Variants in SIPA1L1 observed in about 807,000 individuals in gnomAD.
The protein encoded by SIPA1L1 is signal induced proliferation associated 1 like 1, also known as signal-induced proliferation-associated 1-like protein 1.
A neutral mutation model predicts 162.7 loss-of-function variants in SIPA1L1; 26 were observed. The observed-to-expected ratio is 0.16, with a 90% confidence interval of 0.12 to 0.22. SIPA1L1 has a LOEUF of 0.22. Among genes scored for constraint, SIPA1L1 ranks in the 10% least tolerant of loss-of-function variants. The probability of loss-of-function intolerance (pLI) is 1.00; values close to 1 mark genes in which losing one functional copy is unlikely to be tolerated. For synonymous variants in SIPA1L1, 829 were observed against 837.4 expected (o/e 0.99, Z 0.17); for missense variants, 1,874 against 2,241.0 (o/e 0.84, Z 3.31).
Position 71,527,858 on chromosome 14 carries a change from G to A in SIPA1L1, c.-361-1454G>A, listed in dbSNP as rs1017767960. On this transcript the variant is annotated intron_variant, in intron 3 of 23. Coordinates refer to ENST00000381232, the MANE Select transcript of SIPA1L1 (RefSeq NM_001386936.1). ...TTTGTTATATAGTTATGTGGTCTGA[G>A]GTTTGGATAAGGACAGAGTTCTTAT... 5.9e-5 allele frequency among the ~76,000 whole-genome samples: 9 copies of A among 152,124 alleles called. 1 individual carries two copies. Among genetic ancestry groups the A allele is most frequent in the Admixed American group, 5.2e-4 (8 of 15,274 alleles).
intron 5 of SIPA1L1, among the ~76,000 whole-genome samples, chr14:71,604,396 A>G (rs894169107): frequency 5.3e-5 from 8 of 151,750 alleles, no homozygotes; most frequent in African/African-American, 9.7e-5. Context: ...TTCTGCCTCA[A>G]CCTCCCAGAG....
chr14:71,674,586 A>T (rs1031930843), intron 12 of SIPA1L1, among the ~76,000 whole-genome samples: 2 of 135,578 alleles, frequency 1.5e-5, no homozygotes, highest in African/African-American at 2.9e-5. Context: ...TTTTTTTTAG[A>T]CGGAGTCTCG....
At chr14:71,384,862 C>G (rs1463086969) in intron 2 of SIPA1L1, among the ~76,000 whole-genome samples, 1 of 152,144 alleles carries the variant, frequency 6.6e-6, no homozygotes, top group Admixed American at 6.5e-5. Flanking sequence ...TAGGGACTTT[C>G]AGCATTGCTG....
At chr14:71,328,877 CA>C (rs2034157496) in intron 2 of SIPA1L1, among the ~76,000 whole-genome samples, 1 of 152,160 alleles carries the variant, frequency 6.6e-6, no homozygotes, top group African/African-American at 2.4e-5. Context: ...AACAGATTTC[CA>C]GGACTTTTTC....
chr14:71,353,670 C>T (rs2036939826), intron 2 of SIPA1L1, among the ~76,000 whole-genome samples: 1 of 151,988 alleles, frequency 6.6e-6, no homozygotes, highest in African/African-American at 2.4e-5. Flanking sequence ...GGTGACTAGA[C>T]CTGGTGGTGG....
chr14:71,414,534 T>A (rs756032093), intron 2 of SIPA1L1, among the ~76,000 whole-genome samples: 2 of 152,264 alleles, frequency 1.3e-5, no homozygotes, highest in Non-Finnish European at 2.9e-5. Context: ...GTTTTAGTCA[T>A]TGATTTCTGA....
At chr14:71,407,876 T>C (rs2042136975) in intron 2 of SIPA1L1, among the ~76,000 whole-genome samples, 2 of 152,248 alleles carry the variant, frequency 1.3e-5, no homozygotes, top group Non-Finnish European at 2.9e-5. Flanking sequence ...TGTTTTGTTT[T>C]GTTTTTTTGT....
At chr14:71,331,567 C>G (rs1377013685) in intron 2 of SIPA1L1, among the ~76,000 whole-genome samples, 1 of 152,148 alleles carries the variant, frequency 6.6e-6, no homozygotes, top group Non-Finnish European at 1.5e-5. Flanking sequence ...GGGAAAGCTT[C>G]AAAAAGGCAA....
At chr14:71,342,624 T>TA (rs1352474338) in intron 2 of SIPA1L1, among the ~76,000 whole-genome samples, 4 of 152,230 alleles carry the variant, frequency 2.6e-5, no homozygotes, top group Non-Finnish European at 5.9e-5. Flanking sequence ...TTCTTGTAGT[T>TA]AACTTAGATT....
chr14:71,669,519 G>GA (rs1287994494), intron 10 of SIPA1L1, among the ~76,000 whole-genome samples: 1 of 152,138 alleles, frequency 6.6e-6, no homozygotes, highest in Non-Finnish European at 1.5e-5. Flanking sequence ...ATTCCACTTA[G>GA]AAAAATCTAG....
chr14:71,524,085 G>A (rs1339761130), intron 3 of SIPA1L1, among the ~76,000 whole-genome samples: 1 of 152,084 alleles, frequency 6.6e-6, no homozygotes, highest in East Asian at 1.9e-4. Flanking sequence ...GACAGAGCTG[G>A]GAGATGAATA....
Position 71,624,177 on chromosome 14 carries a change from C to T in SIPA1L1, c.1759C>T (p.Arg587Trp), listed in dbSNP as rs759926707. 2 of 1,614,020 alleles carry T rather than the reference C, an allele frequency of 1.2e-6. No individual in the cohort carries two copies. The highest frequency in any genetic ancestry group is 1.7e-5 in the Admixed American group (1 of 59,998). ...TCCTGAGCTCAATGTCCAGTGCCTG[C>T]GGTTGGCCTTCAACACACCCAAGGT... ...VVPELNVQCL[R>W]LAFNTPKVTE... is the part of the protein sequence containing the mutation. The change falls in exon 7 of 24, where the codon CGG becomes TGG. Residue 587 changes from arginine (R) to tryptophan (W), a missense_variant. Arg to Trp is a moderately radical substitution (Grantham distance 101, BLOSUM62 -3). Transcript: ENST00000381232.
Position 71,668,293 on chromosome 14 carries a change from A to G in SIPA1L1, c.2256-2826A>G, listed in dbSNP as rs78125016. On this transcript the variant is annotated intron_variant, in intron 10 of 23. Coordinates refer to ENST00000381232, the MANE Select transcript of SIPA1L1 (RefSeq NM_001386936.1). ...TGAAAGCACTTCCTCAGAGGGAGTA[A>G]GTGTGGGCTTGTCGTGGAGCACTCT... is the stretch of plus-strand genomic sequence containing the variant. Among the ~76,000 whole-genome samples the G allele has an allele frequency of 9.4e-3, 1,438 of 152,220 alleles. 23 individuals carry two copies. The highest frequency in any genetic ancestry group is 0.063 in the South Asian group (304 of 4,824).
intron 2 of SIPA1L1, among the ~76,000 whole-genome samples, chr14:71,458,821 G>A (rs935684646): frequency 6.6e-6 from 1 of 152,022 alleles, no homozygotes; most frequent in African/African-American, 2.4e-5. Context: ...CTGTAATCCT[G>A]TCACTTTGGG....
intron 5 of SIPA1L1, among the ~76,000 whole-genome samples, chr14:71,611,609 A>T (rs952999360): frequency 4.0e-5 from 6 of 149,128 alleles, no homozygotes; most frequent in African/African-American, 1.5e-4. Context: ...CCCTGTGTCC[A>T]TGTTCTCATT....
intron 4 of SIPA1L1, among the ~76,000 whole-genome samples, chr14:71,553,550 A>C (rs559508069): frequency 7.2e-5 from 11 of 152,348 alleles, no homozygotes; most frequent in African/African-American, 2.4e-4. Flanking sequence ...AAGATAGGAA[A>C]GGCATGTTTT....
chr14:71,502,092 G>A (rs1366426578), intron 2 of SIPA1L1, among the ~76,000 whole-genome samples: 9 of 130,352 alleles, frequency 6.9e-5, no homozygotes, highest in African/African-American at 8.7e-5. Context: ...TTTTTCTTCT[G>A]TGTGTCATAT....
rs539500111 is a variant in SIPA1L1, at chr14:71,703,917, T to G, written c.3647-1305T>G. Among the ~76,000 whole-genome samples the G allele has an allele frequency of 3.9e-5, 6 of 152,334 alleles. No individual in the cohort carries two copies. The East Asian group carries it at 9.6e-4, about 24-fold the overall frequency. On this transcript the variant is annotated intron_variant, in intron 15 of 23. Coordinates refer to ENST00000381232, the MANE Select transcript of SIPA1L1 (RefSeq NM_001386936.1). ...CTGCATCCACTTTACTTTAGTGGCA[T>G]CCCACTCTTAATAGATAAGACTTAA...
At chr14:71,685,228 A>G in intron 12 of SIPA1L1, 134 bp from the exon 13 acceptor site, 1 of 975,742 alleles carries the variant, frequency 1.0e-6, no homozygotes, top group Non-Finnish European at 1.6e-6. Context: ...CTAGGGCCCA[A>G]AGATTGAAAG....
Sources: gnomAD v4.1 joint callset for allele counts (sites outside exome capture counted in the v4.1 genomes callset) on GRCh38, gnomAD v4.1.1 for gene constraint, MANE v1.5 for transcripts, NCBI Gene and HGNC (gene_info 2026-07-23, HGNC 2026-07-21) for gene names.